ENOX1: variants seen among roughly 807,000 people sequenced by gnomAD.
ENOX1 encodes ecto-NOX disulfide-thiol exchanger 1, also known as candidate growth-related and time keeping constitutive hydroquinone (NADH) oxidase.
Under a neutral mutation model 82.5 loss-of-function variants are expected in ENOX1, and 42 were observed. The observed-to-expected ratio is 0.51, with a 90% confidence interval of 0.40 to 0.66. The LOEUF (loss-of-function observed/expected upper bound fraction) is 0.66, where lower values mean the gene tolerates loss of function less well. Ranked by LOEUF, ENOX1 falls within the 30% of genes least tolerant of loss-of-function variation. ENOX1 has a pLI of 0.00. For synonymous variants in ENOX1, 271 were observed against 282.2 expected (o/e 0.96, Z 0.40); for missense variants, 608 against 811.6 (o/e 0.75, Z 3.05).
chr13:43,508,669 T>C (rs893012455), intron 2 of ENOX1, among the ~76,000 whole-genome samples: 1 of 152,050 alleles, frequency 6.6e-6, no homozygotes, highest in African/African-American at 2.4e-5. Flanking sequence ...TAGATCATTA[T>C]GTATCACAGT....
intron 5 of ENOX1, among the ~76,000 whole-genome samples, chr13:43,373,954 GAA>G (rs996636988): frequency 2.1e-4 from 32 of 152,302 alleles, no homozygotes; most frequent in African/African-American, 7.0e-4. Flanking sequence ...CTCAACATTA[GAA>G]ACTCAGAGAG....
At chr13:43,608,828 T>C (rs983251956) in intron 2 of ENOX1, among the ~76,000 whole-genome samples, 13 of 152,220 alleles carry the variant, frequency 8.5e-5, no homozygotes, top group African/African-American at 2.9e-4. Flanking sequence ...TAGCAACAGC[T>C]GAAGACCTTT....
At chr13:43,446,600 T>C (rs974481307) in intron 3 of ENOX1, among the ~76,000 whole-genome samples, 1 of 152,234 alleles carries the variant, frequency 6.6e-6, no homozygotes, top group Admixed American at 6.5e-5. Context: ...ATGCCCTCCA[T>C]GGCTATTCTG....
chr13:43,433,788 A>C (rs972261829), intron 3 of ENOX1, among the ~76,000 whole-genome samples: 5 of 152,190 alleles, frequency 3.3e-5, no homozygotes, highest in Admixed American at 3.3e-4. Context: ...CGCACCTCAG[A>C]CAGGGCTAAG....
chr13:43,310,453 T>A (rs1448667197), intron 11 of ENOX1, among the ~76,000 whole-genome samples: 1 of 152,170 alleles, frequency 6.6e-6, no homozygotes. Flanking sequence ...GCATAAAATA[T>A]TTTGTTTCTG....
chr13:43,520,795 A>T (rs1353864991), intron 2 of ENOX1, among the ~76,000 whole-genome samples: 1 of 152,144 alleles, frequency 6.6e-6, no homozygotes, highest in Non-Finnish European at 1.5e-5. Context: ...CTTTGCAGCA[A>T]CCCCAGCAGT....
chr13:43,243,060 C>T (rs894897218), intron 14 of ENOX1, among the ~76,000 whole-genome samples: 7 of 146,828 alleles, frequency 4.8e-5, no homozygotes, highest in African/African-American at 1.8e-4. Flanking sequence ...TGCTTGAACC[C>T]GGAAGGTGGA....
At chr13:43,641,325 G>C (rs1253440883) in intron 2 of ENOX1, among the ~76,000 whole-genome samples, 1 of 151,846 alleles carries the variant, frequency 6.6e-6, no homozygotes, top group Non-Finnish European at 1.5e-5. Flanking sequence ...CCAAATCCAG[G>C]CCTCTCAATT....
chr13:43,402,673 G>A (rs926554977), intron 5 of ENOX1, among the ~76,000 whole-genome samples: 2 of 152,230 alleles, frequency 1.3e-5, no homozygotes, highest in East Asian at 3.8e-4. Flanking sequence ...TGGATCTGGA[G>A]CAGAAGTCCC....
At chr13:43,518,803 G>T (rs1351413878) in intron 2 of ENOX1, among the ~76,000 whole-genome samples, 2 of 152,146 alleles carry the variant, frequency 1.3e-5, no homozygotes, top group Admixed American at 1.3e-4. Context: ...TCAATTAGGT[G>T]CTTCAGATAT....
At chr13:43,539,021 C>A (rs2078594051) in intron 2 of ENOX1, among the ~76,000 whole-genome samples, 1 of 152,090 alleles carries the variant, frequency 6.6e-6, no homozygotes. Context: ...GGTGGTCTCG[C>A]TATGATGCCC....
At chr13:43,623,318 G>A (rs961028156) in intron 2 of ENOX1, among the ~76,000 whole-genome samples, 1 of 152,128 alleles carries the variant, frequency 6.6e-6, no homozygotes, top group African/African-American at 2.4e-5. Flanking sequence ...AGCTAGAGAT[G>A]TCCTTCTCCC....
In ENOX1 at chr13:43,786,673, C is replaced by A. The variant is rs1594794908; in HGVS notation, c.-306G>T. 6.6e-6 allele frequency: 1 copy of A among 152,098 alleles called. No individual in the cohort carries two copies. Among genetic ancestry groups the A allele is most frequent in the East Asian group, 2.0e-4 (1 of 5,056 alleles). The allele number at this position is 152,098 out of a possible 1,614,324, so 9.4% of individuals were successfully genotyped here. On this transcript the variant is annotated 5_prime_UTR_variant, in exon 1 of 17. Coordinates refer to ENST00000690772, the MANE Select transcript of ENOX1 (RefSeq NM_001347969.2). The surrounding 1 kb of genome is among the most constrained non-coding windows in gnomAD (Gnocchi z 6.0). The stretch of plus-strand genomic sequence containing the variant: ...TTACCTGGGGCCGCCGTATGGGGAG[C>A]GGAGGCAACCCGCTGCGCGGAGTGG...
At chr13:43,577,672 C>T (rs1225863898) in intron 2 of ENOX1, among the ~76,000 whole-genome samples, 4 of 152,240 alleles carry the variant, frequency 2.6e-5, no homozygotes, top group Non-Finnish European at 5.9e-5. Context: ...AAGGACCCCA[C>T]TTCACAATAC....
At chr13:43,266,413 A>G (rs1371016697) in intron 13 of ENOX1, among the ~76,000 whole-genome samples, 2 of 152,184 alleles carry the variant, frequency 1.3e-5, no homozygotes, top group African/African-American at 4.8e-5. Flanking sequence ...TTAGTTTTTT[A>G]AGGCCAGTCT....
rs2089162371 is a variant in ENOX1 at position 43,728,982 on chromosome 13, C to G, written c.-285+57670G>C. On this transcript the variant is annotated intron_variant, in intron 1 of 16. Transcript: ENST00000690772. ...GCCCTTTCTTTGGCTAGCTAAGCTT[C>G]TGATGTGTTCTTTCTCAGCTGTATT... 2.0e-5 allele frequency among the ~76,000 whole-genome samples: 3 copies of G among 152,160 alleles called. No individual in the cohort carries two copies. In the South Asian group the frequency reaches 6.2e-4, roughly 31 times the overall value.
chr13:43,326,904 A>G lies in ENOX1; in HGVS notation c.1037-379T>C, dbSNP rs559747590. Reference sequence around the variant, plus strand: ...AAAGTAATGCAAGGGTTGGGTGCAGAGAAGTGAAGTCAGGGAGAAGTGGCT... The same window carrying G: ...AAAGTAATGCAAGGGTTGGGTGCAGGGAAGTGAAGTCAGGGAGAAGTGGCT... On this transcript the variant is annotated intron_variant, in intron 9 of 16. Transcript: ENST00000690772. 3.3e-5 allele frequency among the ~76,000 whole-genome samples: 5 copies of G among 152,342 alleles called. No homozygotes were observed. The South Asian group carries it at 6.2e-4, about 19-fold the overall frequency.
chr13:43,261,988 A>AT (rs1437622279), intron 14 of ENOX1, among the ~76,000 whole-genome samples: 1 of 152,044 alleles, frequency 6.6e-6, no homozygotes, highest in Non-Finnish European at 1.5e-5. Flanking sequence ...TTAAAGTATA[A>AT]TAAAAAAAAA....
chr13:43,734,988 C>T (rs186380513), intron 1 of ENOX1, among the ~76,000 whole-genome samples: 10 of 152,260 alleles, frequency 6.6e-5, no homozygotes, highest in African/African-American at 2.4e-4. Flanking sequence ...GGCTTTCTAC[C>T]AGACTGTGAT....
Sources: allele counts gnomAD v4.1 joint callset (sites outside exome capture counted in the v4.1 genomes callset), GRCh38; gene constraint gnomAD v4.1.1; non-coding constraint Gnocchi (gnomAD v3.1); transcripts MANE v1.5; gene names NCBI Gene and HGNC (gene_info 2026-07-23, HGNC 2026-07-21).